Variants in NXN observed in about 807,000 individuals in gnomAD.
NXN encodes nucleoredoxin, also known as nucleoredoxin 1.
In NXN, 16 loss-of-function variants were observed where a neutral mutation model predicts 48.6. The observed-to-expected ratio is 0.33, with a 90% CI of 0.22 to 0.50. NXN has a LOEUF of 0.50. Among genes scored for constraint, NXN ranks in the 20% least tolerant of loss-of-function variants. The probability of loss-of-function intolerance (pLI) is 0.98; values close to 1 mark genes in which losing one functional copy is unlikely to be tolerated. For synonymous variants in NXN, 281 were observed against 269.6 expected (o/e 1.04, Z -0.41); for missense variants, 492 against 605.5 (o/e 0.81, Z 1.97).
rs139969773 is a variant in NXN, at chr17:845,374, G to A, written c.361-19296C>T. On this transcript the variant is annotated intron_variant, in intron 1 of 7. Transcript: ENST00000336868. ...AATTCTACCCTTCTAGAATCCTACC[G>A]TCATCACCCTTATGGACTCAACATC... Among the ~76,000 whole-genome samples the A allele has an allele frequency of 4.0e-3, 595 of 148,938 alleles. 3 individuals are homozygous for A. The highest frequency in any genetic ancestry group is 0.014 in the African/African-American group (553 of 40,202).
chr17:955,852 A>G (rs2069162696), intron 1 of NXN, among the ~76,000 whole-genome samples: 3 of 151,390 alleles, frequency 2.0e-5, no homozygotes, highest in Non-Finnish European at 4.4e-5. Flanking sequence ...CAGTGAGCCG[A>G]GATTGTGCCA....
rs148122405 is a variant in NXN at position 961,415 on chromosome 17, G to A, written c.360+17904C>T. Among the ~76,000 whole-genome samples, 395 of 152,008 alleles carry A rather than the reference G, an allele frequency of 2.6e-3. 1 individual carries two copies. The highest frequency in any genetic ancestry group is 9.2e-3 in the African/African-American group (382 of 41,508). ...AAAAAAAAAAGAAAAAGAAATAGCT[G>A]TTCAACAAGACAGTAAGTATTGTAA... On this transcript the variant is annotated intron_variant, in intron 1 of 7. Transcript: ENST00000336868.
At chr17:973,411 A>T (rs959054473) in intron 1 of NXN, among the ~76,000 whole-genome samples, 37 of 152,228 alleles carry the variant, frequency 2.4e-4, no homozygotes, top group African/African-American at 8.9e-4. Flanking sequence ...TTGGGAAACC[A>T]CAAAATGATT....
chr17:855,050 G>A (rs2067971108), intron 1 of NXN, among the ~76,000 whole-genome samples: 1 of 152,152 alleles, frequency 6.6e-6, no homozygotes, highest in South Asian at 2.1e-4. Flanking sequence ...GCCAAGGCGG[G>A]AGGGTCAATT....
chr17:895,587 C>G (rs567019020), intron 1 of NXN, among the ~76,000 whole-genome samples: 1 of 149,762 alleles, frequency 6.7e-6, no homozygotes, highest in East Asian at 2.1e-4. Context: ...TCGAGGTGGG[C>G]GGATCACAGG....
intron 5 of NXN, among the ~76,000 whole-genome samples, chr17:809,918 TAA>T (rs1297177900): frequency 2.1e-5 from 3 of 144,040 alleles, no homozygotes; most frequent in Admixed American, 7.0e-5. Context: ...CCGTGCACGT[TAA>T]GAGTCCGTGT....
intron 1 of NXN, chr17:959,035 T>C (rs1395417930): frequency 7.7e-6 from 2 of 260,386 alleles, no homozygotes; most frequent in Non-Finnish European, 1.5e-5. Context: ...CGAGGGACCA[T>C]GGTGGCCGCG....
intron 5 of NXN, among the ~76,000 whole-genome samples, chr17:806,921 TACACACACAC>T (rs5818767): frequency 4.0e-5 from 6 of 148,210 alleles, no homozygotes; most frequent in South Asian, 2.1e-4. Context: ...CACACTCACA[TACACACACAC>T]ACACACACAC....
At chr17:903,939 T>A (rs2068559736) in intron 1 of NXN, among the ~76,000 whole-genome samples, 1 of 152,226 alleles carries the variant, frequency 6.6e-6, no homozygotes, top group African/African-American at 2.4e-5. Context: ...AAATTCACGC[T>A]CCCTTGTTTG....
At chr17:812,145 T>C (rs1912082608) in intron 5 of NXN, among the ~76,000 whole-genome samples, 1 of 150,856 alleles carries the variant, frequency 6.6e-6, no homozygotes, top group African/African-American at 2.4e-5. Flanking sequence ...GCCAGGACGG[T>C]CTCGATCTCC....
chr17:839,149 G>A (rs560957689), intron 1 of NXN, among the ~76,000 whole-genome samples: 7 of 152,122 alleles, frequency 4.6e-5, no homozygotes, highest in African/African-American at 7.2e-5. Context: ...CATAGTGAGC[G>A]TCAGGCCGGA....
intron 1 of NXN, among the ~76,000 whole-genome samples, chr17:888,230 C>A (rs1236361430): frequency 2.0e-5 from 3 of 152,182 alleles, no homozygotes; most frequent in Admixed American, 6.5e-5. Context: ...ATAATCTTTA[C>A]TTCTTTGAGA....
Position 855,320 on chromosome 17 carries a change from G to T in NXN, c.361-29242C>A, listed in dbSNP as rs915065635. Among the ~76,000 whole-genome samples, 4 of 152,270 alleles carry T rather than the reference G, an allele frequency of 2.6e-5. No homozygotes were observed. The South Asian group carries it at 6.2e-4, about 24-fold the overall frequency. On this transcript the variant is annotated intron_variant, in intron 1 of 7. Transcript: ENST00000336868. The stretch of plus-strand genomic sequence containing the variant: ...ATTCTCATATACTAACAAAGAATAA[G>T]AAGAGAGGCAGCCTTTGAATCCCCC...
chr17:928,611 T>G (rs1597249406), intron 1 of NXN, among the ~76,000 whole-genome samples: 1 of 152,190 alleles, frequency 6.6e-6, no homozygotes, highest in Non-Finnish European at 1.5e-5. Context: ...GGAGACAAGC[T>G]GATCACCTGA....
intron 1 of NXN, among the ~76,000 whole-genome samples, chr17:895,694 T>C (rs1282211244): frequency 7.3e-5 from 11 of 149,990 alleles, no homozygotes; most frequent in African/African-American, 2.7e-4. Flanking sequence ...GGTGGGCACC[T>C]GTAGTCCCAG....
At chr17:877,353 G>A (rs549334954) in intron 1 of NXN, among the ~76,000 whole-genome samples, 10 of 151,950 alleles carry the variant, frequency 6.6e-5, no homozygotes, top group Admixed American at 2.6e-4. Context: ...TCACCATGTT[G>A]GCCAGGATGG....
intron 1 of NXN, among the ~76,000 whole-genome samples, chr17:870,693 G>A (rs1347008905): frequency 6.6e-6 from 1 of 151,738 alleles, no homozygotes; most frequent in East Asian, 1.9e-4. Flanking sequence ...AGGCGGAGGT[G>A]CCAGTGAGCC....
In NXN at chr17:841,014, A is replaced by G. The variant is rs1225138188; in HGVS notation, c.361-14936T>C. Among the ~76,000 whole-genome samples, 3 of 152,224 alleles carry G rather than the reference A, an allele frequency of 2.0e-5. No homozygotes were observed. The East Asian group carries it at 5.8e-4, about 29-fold the overall frequency. On this transcript the variant is annotated intron_variant, in intron 1 of 7. Coordinates refer to ENST00000336868, the MANE Select transcript of NXN (RefSeq NM_022463.5). ...AGGGTGAGAGTGCCGGCACAGGAGC[A>G]GATGGCTTGGGTTCGAATCCCGGCT...
intron 1 of NXN, among the ~76,000 whole-genome samples, chr17:961,729 T>C (rs2069240135): frequency 6.6e-6 from 1 of 152,248 alleles, no homozygotes; most frequent in Admixed American, 6.5e-5. Flanking sequence ...ACTATCTATT[T>C]ATTTAATTAA....
Sources: allele counts gnomAD v4.1 joint callset (sites outside exome capture counted in the v4.1 genomes callset), GRCh38; gene constraint gnomAD v4.1.1; transcripts MANE v1.5; gene names NCBI Gene and HGNC (gene_info 2026-07-23, HGNC 2026-07-21).